Variants in CPPED1 observed in about 807,000 individuals in gnomAD.
CPPED1 encodes the protein serine/threonine-protein phosphatase CPPED1.
A neutral mutation model predicts 28.0 loss-of-function variants in CPPED1; 28 were observed. The observed-to-expected ratio is 1.00, with a 90% CI of 0.74 to 1.37. The LOEUF (loss-of-function observed/expected upper bound fraction) is 1.37. Ranked by LOEUF, CPPED1 falls within the 40% of genes most tolerant of loss-of-function variation. The pLI is 0.00. For synonymous variants in CPPED1, 198 were observed against 180.2 expected (o/e 1.10, Z -0.79); for missense variants, 504 against 416.5 (o/e 1.21, Z -1.83).
At chr16:12,755,165 G>A (rs2080357097) in intron 2 of CPPED1, among the ~76,000 whole-genome samples, 1 of 152,074 alleles carries the variant, frequency 6.6e-6, no homozygotes, top group Admixed American at 6.5e-5. Flanking sequence ...ATCTCTGATG[G>A]GTCCCTTCTG....
At chr16:12,667,152 TACTC>T (rs986691686) in intron 3 of CPPED1, among the ~76,000 whole-genome samples, 3 of 152,134 alleles carry the variant, frequency 2.0e-5, no homozygotes, top group South Asian at 2.1e-4. Flanking sequence ...AAACACCCCT[TACTC>T]ACATTGACCC....
chr16:12,711,052 T>C (rs991939540), intron 2 of CPPED1, among the ~76,000 whole-genome samples: 1 of 152,206 alleles, frequency 6.6e-6, no homozygotes, highest in Admixed American at 6.5e-5. Flanking sequence ...ACAGTAGCAT[T>C]ATTCACAATA....
intron 2 of CPPED1, among the ~76,000 whole-genome samples, chr16:12,751,002 C>G: frequency 6.6e-6 from 1 of 151,206 alleles, no homozygotes; most frequent in South Asian, 2.1e-4. Flanking sequence ...ACAACAACAA[C>G]AAAAAAAACA....
At chr16:12,684,930 C>A (rs963711875) in intron 3 of CPPED1, among the ~76,000 whole-genome samples, 9 of 152,172 alleles carry the variant, frequency 5.9e-5, no homozygotes, top group African/African-American at 2.2e-4. Flanking sequence ...AAACCCAAAT[C>A]TCCCCTTCGT....
intron 2 of CPPED1, among the ~76,000 whole-genome samples, chr16:12,725,350 T>C (rs934114923): frequency 6.6e-6 from 1 of 152,198 alleles, no homozygotes; most frequent in African/African-American, 2.4e-5. Context: ...CTAACTGTAA[T>C]CCCAAAGTGT....
At chr16:12,674,858 GC>G (rs1374309357) in intron 3 of CPPED1, among the ~76,000 whole-genome samples, 1 of 152,170 alleles carries the variant, frequency 6.6e-6, no homozygotes, top group African/African-American at 2.4e-5. Flanking sequence ...TAAAATGACA[GC>G]CCATATCATG....
At chr16:12,695,628 G>C (rs2079985861) in intron 3 of CPPED1, among the ~76,000 whole-genome samples, 2 of 152,206 alleles carry the variant, frequency 1.3e-5, no homozygotes, top group Admixed American at 1.3e-4. Flanking sequence ...TGAACTGGAT[G>C]TGTAAACAGA....
intron 2 of CPPED1, among the ~76,000 whole-genome samples, chr16:12,705,568 G>C (rs962237255): frequency 6.6e-6 from 1 of 152,164 alleles, no homozygotes; most frequent in African/African-American, 2.4e-5. Context: ...GACCAGCCTG[G>C]ACAACATGGT....
intron 3 of CPPED1, among the ~76,000 whole-genome samples, chr16:12,694,845 C>G (rs932107093): frequency 6.6e-6 from 1 of 151,794 alleles, no homozygotes; most frequent in African/African-American, 2.4e-5. Context: ...TGGCACGATC[C>G]CTGTTCACTG....
At chr16:12,741,420 C>A (rs1195883818) in intron 2 of CPPED1, among the ~76,000 whole-genome samples, 1 of 151,730 alleles carries the variant, frequency 6.6e-6, no homozygotes, top group Non-Finnish European at 1.5e-5. Context: ...AAAGGGACGC[C>A]ATTCACTGTG....
chr16:12,715,983 G>C (rs2080105219), intron 2 of CPPED1, among the ~76,000 whole-genome samples: 1 of 152,220 alleles, frequency 6.6e-6, no homozygotes, highest in Non-Finnish European at 1.5e-5. Context: ...AGAGGGAAGA[G>C]AGTAGAGGGA....
chr16:12,794,269 T>G (rs545232032), intron 1 of CPPED1, among the ~76,000 whole-genome samples: 1 of 152,238 alleles, frequency 6.6e-6, no homozygotes, highest in East Asian at 1.9e-4. Flanking sequence ...TAAAATTGAT[T>G]GTGATGGTTG....
intron 2 of CPPED1, among the ~76,000 whole-genome samples, chr16:12,721,509 T>C (rs2080139669): frequency 6.6e-6 from 1 of 152,032 alleles, no homozygotes; most frequent in Non-Finnish European, 1.5e-5. Flanking sequence ...TGCCAGCACT[T>C]TGGGAGGCTG....
intron 3 of CPPED1, among the ~76,000 whole-genome samples, chr16:12,666,491 G>C (rs1331892956): frequency 6.6e-6 from 1 of 152,226 alleles, no homozygotes; most frequent in African/African-American, 2.4e-5. Flanking sequence ...GGCTGGGGAA[G>C]TGGTAGGCTG....
chr16:12,739,638 C>T (rs2080244029), intron 2 of CPPED1, among the ~76,000 whole-genome samples: 1 of 152,130 alleles, frequency 6.6e-6, no homozygotes, highest in Non-Finnish European at 1.5e-5. Flanking sequence ...GGGCAGATTG[C>T]TACGAGTAGG....
intron 3 of CPPED1, among the ~76,000 whole-genome samples, chr16:12,701,706 A>G (rs933781798): frequency 9.2e-5 from 14 of 152,162 alleles, no homozygotes; most frequent in African/African-American, 3.4e-4. Flanking sequence ...TCTTGCTGTT[A>G]GGTGCAGAAT....
chr16:12,705,798 C>T (rs772466983), intron 2 of CPPED1, among the ~76,000 whole-genome samples: 5 of 152,202 alleles, frequency 3.3e-5, no homozygotes, highest in African/African-American at 4.8e-5. Flanking sequence ...TAAGCCACCG[C>T]GCCGGGCAGA....
chr16:12,754,303 A>G (rs927148038), intron 2 of CPPED1, among the ~76,000 whole-genome samples: 3 of 152,188 alleles, frequency 2.0e-5, no homozygotes, highest in Admixed American at 2.0e-4. Flanking sequence ...CACCAGATGA[A>G]GCCCTCTTAG....
chr16:12,747,611 C>T (rs1000242975), intron 2 of CPPED1, among the ~76,000 whole-genome samples: 1 of 152,012 alleles, frequency 6.6e-6, no homozygotes, highest in Non-Finnish European at 1.5e-5. Context: ...AACGAAAACT[C>T]CAGGCCCATG....
Sources: gnomAD v4.1 joint callset for allele counts (sites outside exome capture counted in the v4.1 genomes callset) on GRCh38, gnomAD v4.1.1 for gene constraint, MANE v1.5 for transcripts, NCBI Gene and HGNC (gene_info 2026-07-23, HGNC 2026-07-21) for gene names.